Variants in MANF observed in about 807,000 individuals in gnomAD.
MANF encodes mesencephalic astrocyte-derived neurotrophic factor.
A neutral mutation model predicts 19.1 loss-of-function variants in MANF; 9 were observed. The observed-to-expected ratio is 0.47, with a 90% confidence interval of 0.28 to 0.82. The LOEUF (loss-of-function observed/expected upper bound fraction) is 0.82. Among genes scored for constraint, MANF ranks in the 40% least tolerant of loss-of-function variants. The pLI, the probability that MANF is intolerant of heterozygous loss-of-function variation, is 0.10. For synonymous variants in MANF, 89 were observed against 88.0 expected, an observed-to-expected ratio of 1.01 and a Z score of -0.06; for missense variants, 225 against 226.7, an observed-to-expected ratio of 0.99 and a Z score of 0.05.
rs2088929918 is a variant in MANF, at chr3:51,385,329, GGAGGATGAGGAGGAT to G, written c.-8_7del. 3 of 1,102,188 alleles carry G rather than the reference GGAGGATGAGGAGGAT, an allele frequency of 2.7e-6. No homozygotes were observed. In the East Asian group the frequency reaches 9.9e-5, roughly 36 times the overall value. The allele number at this position is 1,102,188 out of a possible 1,614,324, so 68.3% of individuals were successfully genotyped here. ...CGGCAGCGGAGGAGGAGGAGGAGGA[GGAGGATGAGGAGGAT>G]GAGGAGGATGTGGGCCACGCAGGGG... On this transcript the variant is annotated start_lost and 5_prime_UTR_variant, in exon 1 of 4. Transcript: ENST00000528157.
Position 51,387,918 on chromosome 3 carries a change from C to T in MANF, c.364+40C>T, listed in dbSNP as rs562097950. The T allele has an allele frequency of 1.7e-5, 27 of 1,603,606 alleles. No individual in the cohort carries two copies. In the South Asian group the frequency reaches 2.9e-4, roughly 17 times the overall value. On this transcript the variant is annotated intron_variant, in intron 3 of 3. Transcript: ENST00000528157. ...TCCTTTCTTAATGAATGCTGTGCAC[C>T]TTCTGGGTTTGTTTCCCATCTGGGA...
chr3:51,387,639 T>G, intron 2 of MANF, 98 bp from the exon 3 acceptor site: 1 of 1,195,500 alleles, frequency 8.4e-7, no homozygotes, highest in Non-Finnish European at 1.2e-6. Flanking sequence ...AAAACACAAG[T>G]AAGGCCCTAC....
intron 2 of MANF, chr3:51,386,792 G>A (rs2088966289): frequency 2.2e-6 from 1 of 444,816 alleles, no homozygotes; most frequent in Non-Finnish European, 4.5e-6. Context: ...ACAGGAGAAG[G>A]TGACAGGGTG....
chr3:51,386,347 G>C lies in MANF; in HGVS notation c.222+12G>C, dbSNP rs1553620915. The C allele has an allele frequency of 3.1e-6, 5 of 1,613,848 alleles. No homozygotes were observed. Among genetic ancestry groups the C allele is most frequent in the Non-Finnish European group, 4.2e-6 (5 of 1,179,770 alleles). On this transcript the variant is annotated intron_variant, in intron 2 of 3. Transcript: ENST00000528157. Reference sequence around the variant, plus strand: ...AAGAGAATCGGTTGGTAAGTAGCTGGTGATCCTCCCCAACTGGCCCTGGCT... The same window carrying C: ...AAGAGAATCGGTTGGTAAGTAGCTGCTGATCCTCCCCAACTGGCCCTGGCT...
rs2088927529 is a variant in MANF at position 51,385,299 on chromosome 3, G to C, written c.-44G>C. On this transcript the variant is annotated 5_prime_UTR_variant, in exon 1 of 4. Coordinates refer to ENST00000528157, the MANE Select transcript of MANF (RefSeq NM_006010.6). ...CGCGGCGGGTGCGGTTCAGTCGGTC[G>C]GCGGCGGCAGCGGAGGAGGAGGAGG... The C allele has an allele frequency of 1.7e-6, 2 of 1,183,418 alleles. No homozygotes were observed. Among genetic ancestry groups the C allele is most frequent in the Non-Finnish European group, 2.1e-6 (2 of 942,182 alleles). 73.3% of individuals were successfully genotyped at this position (1,183,418 alleles called of 1,614,324 possible).
rs1559453790 is a variant in MANF, at chr3:51,389,060, A to G, written c.520A>G (p.Lys174Glu). Reference protein sequence around the residue: ...INELMPKYAPKAASARTDL With the variant: ...INELMPKYAPEAASARTDL The stretch of plus-strand genomic sequence containing the variant: ...TGAACTGATGCCTAAATATGCCCCC[A>G]AGGCAGCCAGTGCACGGACCGATTT... The change falls in exon 4 of 4, where the codon AAG becomes GAG. Residue 174 changes from lysine to glutamate, a missense_variant. Physicochemically the swap from Lys to Glu is moderately conservative, Grantham distance 56. Transcript: ENST00000528157. 6.2e-7 allele frequency: 1 copy of G among 1,612,906 alleles called. No individual in the cohort carries two copies. Among genetic ancestry groups the G allele is most frequent in the Non-Finnish European group, 8.5e-7 (1 of 1,179,452 alleles).
chr3:51,386,217 C>T lies in MANF; in HGVS notation c.104C>T (p.Ser35Phe), dbSNP rs2088959722. ...LRPGDCEVCISYLGRFYQDLK... is the reference protein window; with the variant it reads ...LRPGDCEVCIFYLGRFYQDLK... ...TCCCTCTCTTTTCCAGTTTGTATTT[C>T]TTATCTGGGAAGATTTTACCAGGAC... is the stretch of plus-strand genomic sequence containing the variant. Residue 35 changes from serine (S) to phenylalanine (F), a missense_variant, in exon 2 of 4, where the codon TCT (serine) becomes TTT (phenylalanine). Transcript: ENST00000528157. 2 of 1,613,372 alleles carry T rather than the reference C, an allele frequency of 1.2e-6. No homozygotes were observed. The highest frequency in any genetic ancestry group is 1.3e-5 in the African/African-American group (1 of 74,916).
rs1263743342 is a variant in MANF at position 51,387,820 on chromosome 3, G to T, written c.306G>T (p.Val102=). ...VSKPLAHHIP[V]EKICEKLKKK... ...AGCCTCTGGCCCACCACATCCCTGT[G>T]GAGAAGATCTGTGAGAAGCTTAAGA... The change falls in exon 3 of 4, where the codon GTG becomes GTT. Residue 102 remains valine (V), a synonymous_variant. Transcript: ENST00000528157. The T allele has an allele frequency of 1.8e-5, 29 of 1,613,548 alleles. No homozygotes were observed. Among genetic ancestry groups the T allele is most frequent in the Non-Finnish European group, 2.4e-5 (28 of 1,179,704 alleles).
At chr3:51,386,963 C>CATGT (rs2088968201) in intron 2 of MANF, 1 of 456,590 alleles carries the variant, frequency 2.2e-6, no homozygotes, top group African/African-American at 2.0e-5. Flanking sequence ...TTGGACTGAG[C>CATGT]ATGTGTTAAG....
rs2088996895 is a variant in MANF, at chr3:51,389,188, C to A, written c.*99C>A. ...ATTTATTTTTTAAGTGGGCTCCTGA[C>A]AATACTGTATCAGATGTGAAGCCTG... On this transcript the variant is annotated 3_prime_UTR_variant, in exon 4 of 4. Transcript: ENST00000528157. The A allele has an allele frequency of 2.9e-6, 3 of 1,040,886 alleles. No homozygotes were observed. Among genetic ancestry groups the A allele is most frequent in the East Asian group, 2.6e-5 (1 of 38,206 alleles). The allele number at this position is 1,040,886 out of a possible 1,614,324, so 64.5% of individuals were successfully genotyped here.
Position 51,389,104 on chromosome 3 carries a change from G to T in MANF, c.*15G>T. 1.2e-6 allele frequency: 2 copies of T among 1,603,980 alleles called. No individual in the cohort carries two copies. The highest frequency in any genetic ancestry group is 1.7e-6 in the Non-Finnish European group (2 of 1,176,238). On this transcript the variant is annotated 3_prime_UTR_variant, in exon 4 of 4. Coordinates refer to ENST00000528157, the MANE Select transcript of MANF (RefSeq NM_006010.6). ...CCGATTTGTAGTCTGCTCAATCTCT[G>T]TTGCACCTGAGGGGGAAAAAACAGT...
chr3:51,385,398 T>C lies in MANF; in HGVS notation c.56T>C (p.Leu19Pro). ...GLAVALALSV[L>P]PGSRALRPGD... ...GCGGTGGCGCTGGCTCTGAGCGTGC[T>C]GCCGGGCAGCCGGGCGCTGCGGCCG... Residue 19 changes from leucine (L) to proline (P), a missense_variant, in exon 1 of 4, where the codon CTG (leucine) becomes CCG (proline). Physicochemically the swap from Leu to Pro is moderately conservative, Grantham distance 98. Transcript: ENST00000528157. The C allele has an allele frequency of 8.1e-7, 1 of 1,238,352 alleles. No individual in the cohort carries two copies. Among genetic ancestry groups the C allele is most frequent in the Non-Finnish European group, 1.0e-6 (1 of 989,408 alleles). The allele number at this position is 1,238,352 out of a possible 1,614,324, so 76.7% of individuals were successfully genotyped here.
chr3:51,385,458 G>A (rs564755017), intron 1 of MANF, 22 bp downstream of exon 1: 129 of 1,211,694 alleles, frequency 1.1e-4, no homozygotes, highest in Non-Finnish European at 1.2e-4. Flanking sequence ...GGGGCCGGGG[G>A]CCGCGCTCCG....
rs368574595 is a variant in MANF, at chr3:51,388,842, G to A, written c.365-63G>A. 10 of 1,271,604 alleles carry A rather than the reference G, an allele frequency of 7.9e-6. No individual in the cohort carries two copies. The African/African-American group carries it at 1.5e-4, about 19-fold the overall frequency. The allele number at this position is 1,271,604 out of a possible 1,614,324, so 78.8% of individuals were successfully genotyped here. A position where few individuals can be genotyped will look rare whatever the true frequency, so the allele number is the denominator to read the frequency against. On this transcript the variant is annotated intron_variant, in intron 3 of 3. Coordinates refer to ENST00000528157, the MANE Select transcript of MANF (RefSeq NM_006010.6). ...GGCCGTTCAGGGAGTGACATACTCT[G>A]GGACTACTGGGGGACTGCAGGTGCT...
At chr3:51,385,586 A>T in intron 1 of MANF, 150 bp downstream of exon 1, 1 of 423,052 alleles carries the variant, frequency 2.4e-6, no homozygotes, top group Non-Finnish European at 4.0e-6. Flanking sequence ...CTGCATGAGG[A>T]GGCTCCGGCG....
intron 3 of MANF, among the ~76,000 whole-genome samples, chr3:51,388,165 G>A (rs533826805): frequency 1.3e-5 from 2 of 152,340 alleles, no homozygotes; most frequent in African/African-American, 4.8e-5. Flanking sequence ...GCAAGTCAGA[G>A]AGCATTGCAG....
chr3:51,385,706 A>G (rs1479191887), intron 1 of MANF: 3 of 338,978 alleles, frequency 8.9e-6, no homozygotes, highest in Non-Finnish European at 1.6e-5. Context: ...CTCCTGAGTT[A>G]TTGTCCCCAC....
chr3:51,387,938 C>A (rs1372234285), intron 3 of MANF, 60 bp downstream of exon 3: 2 of 1,551,928 alleles, frequency 1.3e-6, no homozygotes, highest in East Asian at 4.5e-5. Context: ...TGTTTCCCAT[C>A]TGGGAGAGGA....
At chr3:51,385,490 T>A (rs1553620738) in intron 1 of MANF, 54 bp downstream of exon 1, 1 of 867,848 alleles carries the variant, frequency 1.2e-6, no homozygotes, top group East Asian at 8.3e-5. Flanking sequence ...GCGGCGGCGC[T>A]GAACCCCACA....
Sources: allele counts gnomAD v4.1 joint callset (sites outside exome capture counted in the v4.1 genomes callset), GRCh38; gene constraint gnomAD v4.1.1; transcripts MANE v1.5; gene names NCBI Gene and HGNC (gene_info 2026-07-23, HGNC 2026-07-21).